ITGA6: variants seen among roughly 807,000 people sequenced by gnomAD.
The protein encoded by ITGA6 is integrin alpha-6.
ITGA6 carries 63 observed loss-of-function variants against 133.6 expected under a neutral mutation model. The observed-to-expected ratio is 0.47, with a 90% CI of 0.38 to 0.58. ITGA6 has a LOEUF of 0.58. Among genes scored for constraint, ITGA6 ranks in the 20% least tolerant of loss-of-function variants. The pLI, the probability that ITGA6 is intolerant of heterozygous loss-of-function variation, is 0.00. For synonymous variants in ITGA6, 434 were observed against 482.0 expected, an observed-to-expected ratio of 0.90 and a Z score of 1.30; for missense variants, 1,068 against 1,309.4, an observed-to-expected ratio of 0.82 and a Z score of 2.85.
At chr2:172,455,226 A>G (rs1406277308) in intron 1 of ITGA6, among the ~76,000 whole-genome samples, 1 of 152,242 alleles carries the variant, frequency 6.6e-6, no homozygotes, top group Non-Finnish European at 1.5e-5. Flanking sequence ...GTCTCATTGC[A>G]TAGGTGGGTG....
intron 23 of ITGA6, among the ~76,000 whole-genome samples, chr2:172,497,208 ATT>A: frequency 6.6e-6 from 1 of 152,308 alleles, no homozygotes; most frequent in African/African-American, 2.4e-5. Flanking sequence ...CTGAATATTA[ATT>A]AAAAGAAAGT....
At chr2:172,447,411 AC>A (rs1306450890) in intron 1 of ITGA6, among the ~76,000 whole-genome samples, 2 of 151,698 alleles carry the variant, frequency 1.3e-5, no homozygotes, top group Non-Finnish European at 2.9e-5. Context: ...TACCATGTTG[AC>A]TAGGCTGGCC....
chr2:172,454,547 A>G (rs1221966347), intron 1 of ITGA6, among the ~76,000 whole-genome samples: 2 of 152,102 alleles, frequency 1.3e-5, no homozygotes, highest in African/African-American at 4.8e-5. Context: ...CTTTTACCTA[A>G]GCCATTGTTA....
At chr2:172,457,671 T>C (rs566570185) in intron 1 of ITGA6, among the ~76,000 whole-genome samples, 73 of 152,342 alleles carry the variant, frequency 4.8e-4, no homozygotes, top group Non-Finnish European at 1.9e-4. Context: ...TTCATTTATT[T>C]AGGCATACAT....
intron 1 of ITGA6, among the ~76,000 whole-genome samples, chr2:172,453,875 T>C (rs1263034864): frequency 6.6e-6 from 1 of 152,196 alleles, no homozygotes; most frequent in Non-Finnish European, 1.5e-5. Flanking sequence ...CTGAGCTGGA[T>C]GCTAGGTGAT....
chr2:172,496,453 TC>T (rs1292185790), intron 23 of ITGA6, among the ~76,000 whole-genome samples: 1 of 152,186 alleles, frequency 6.6e-6, no homozygotes, highest in African/African-American at 2.4e-5. Context: ...TTTTTGTAAG[TC>T]AGGTGAGGTT....
At chr2:172,448,209 A>C (rs1372032176) in intron 1 of ITGA6, among the ~76,000 whole-genome samples, 2 of 152,152 alleles carry the variant, frequency 1.3e-5, no homozygotes, top group African/African-American at 2.4e-5. Context: ...TTTTGCCTTT[A>C]GCACAGATCT....
chr2:172,486,063 C>G (rs1686651960), intron 13 of ITGA6, among the ~76,000 whole-genome samples: 1 of 150,736 alleles, frequency 6.6e-6, no homozygotes, highest in African/African-American at 2.4e-5. Context: ...ATAATCACAG[C>G]TACTCAGGAG....
chr2:172,433,779 A>G (rs1206817777), intron 1 of ITGA6, among the ~76,000 whole-genome samples: 3 of 152,190 alleles, frequency 2.0e-5, no homozygotes, highest in Non-Finnish European at 4.4e-5. Flanking sequence ...TCCAGTTGAA[A>G]AGTGCATCTC....
At chr2:172,453,196 T>G (rs1033196135) in intron 1 of ITGA6, among the ~76,000 whole-genome samples, 3 of 152,160 alleles carry the variant, frequency 2.0e-5, no homozygotes, top group Admixed American at 1.3e-4. Flanking sequence ...GCTATGTTAA[T>G]TATAATCTAA....
chr2:172,433,688 TG>T (rs1463789332), intron 1 of ITGA6, among the ~76,000 whole-genome samples: 1 of 152,236 alleles, frequency 6.6e-6, no homozygotes, highest in East Asian at 1.9e-4. Flanking sequence ...GCTGTGTATG[TG>T]CTTTCTCCTT....
intron 1 of ITGA6, among the ~76,000 whole-genome samples, chr2:172,462,124 CTCA>C (rs1685449998): frequency 6.6e-6 from 1 of 152,212 alleles, no homozygotes; most frequent in East Asian, 1.9e-4. Flanking sequence ...ACTGTGTTCT[CTCA>C]TCAAGGTGTA....
intron 11 of ITGA6, among the ~76,000 whole-genome samples, chr2:172,483,914 G>T (rs112405777): frequency 5.3e-5 from 8 of 152,158 alleles, no homozygotes; most frequent in Non-Finnish European, 1.0e-4. Context: ...GGGTTCAAGC[G>T]ATTCTCCTGC....
Position 172,470,995 on chromosome 2 carries a change from AG to A in ITGA6, c.666del (p.Asn223IlefsTer7). On this transcript the variant is annotated frameshift_variant, in exon 5 of 26. Coordinates refer to ENST00000684293, the MANE Select transcript of ITGA6 (RefSeq NM_000210.4). LOFTEE classifies it high-confidence loss of function. ...TTAGGGATTGTTCGTGTAGAGCAAA[AG>A]AATAACACTTTTTTTGACATGAACA... is the stretch of plus-strand genomic sequence containing the variant. ...NWKGIVRVEQKNNTFFDMNIF... is the reference protein window; with the variant it reads ...NWKGIVRVEQXNNTFFDMNIF... 6.2e-7 allele frequency: 1 copy of A among 1,613,906 alleles called. No individual in the cohort carries two copies. The highest frequency in any genetic ancestry group is 8.5e-7 in the Non-Finnish European group (1 of 1,179,912).
chr2:172,498,018 C>T lies in ITGA6; in HGVS notation c.3032C>T (p.Ser1011Leu), dbSNP rs777103300. 10 of 1,613,570 alleles carry T rather than the reference C, an allele frequency of 6.2e-6. No individual in the cohort carries two copies. Among genetic ancestry groups the T allele is most frequent in the South Asian group, 5.5e-5 (5 of 91,064 alleles). Residue 1011 changes from serine to leucine, a missense_variant, in exon 24 of 26, where the codon TCG (serine) becomes TTG (leucine). Coordinates refer to ENST00000684293, the MANE Select transcript of ITGA6 (RefSeq NM_000210.4). ...VFPSKTVAQY[S>L]GVPWWIILVA... ...CCCTCAAAGACTGTAGCTCAGTATT[C>T]GGGAGTACCTTGGTGGATCATCCTA...
At chr2:172,441,839 C>G (rs1243856002) in intron 1 of ITGA6, among the ~76,000 whole-genome samples, 1 of 152,150 alleles carries the variant, frequency 6.6e-6, no homozygotes, top group Non-Finnish European at 1.5e-5. Context: ...GCTGTGCCTA[C>G]AATTCCCTTC....
chr2:172,459,501 CA>C (rs141683588), intron 1 of ITGA6, among the ~76,000 whole-genome samples: 1 of 151,594 alleles, frequency 6.6e-6, no homozygotes, highest in African/African-American at 2.4e-5. Flanking sequence ...GAGACTGTCT[CA>C]AAAAAAAGAA....
intron 23 of ITGA6, among the ~76,000 whole-genome samples, chr2:172,494,698 AG>A (rs1687059691): frequency 6.6e-6 from 1 of 152,204 alleles, no homozygotes. Context: ...AGAGATGCAA[AG>A]TTGGGTAAGA....
intron 23 of ITGA6, among the ~76,000 whole-genome samples, chr2:172,497,060 T>A (rs1687155075): frequency 6.6e-6 from 1 of 152,222 alleles, no homozygotes; most frequent in Non-Finnish European, 1.5e-5. Context: ...GTCTTTAGTG[T>A]GATATCCTAA....
Sources: allele counts gnomAD v4.1 joint callset (sites outside exome capture counted in the v4.1 genomes callset), GRCh38; gene constraint gnomAD v4.1.1; transcripts MANE v1.5; gene names NCBI Gene and HGNC (gene_info 2026-07-23, HGNC 2026-07-21).